Variants in CPE observed in about 807,000 individuals in gnomAD.
CPE encodes the protein carbocypeptidase E.
In CPE, 17 loss-of-function variants were observed where a neutral mutation model predicts 53.5. The ratio of observed to expected loss-of-function variants is 0.32; its 90% CI spans 0.22 to 0.48. The LOEUF is 0.48. Ranked by LOEUF, CPE falls within the 20% of genes least tolerant of loss-of-function variation. The pLI is 0.99. For missense variants in CPE, 524 were observed against 614.7 expected (o/e 0.85, Z 1.56); for synonymous variants, 226 against 228.8 (o/e 0.99, Z 0.11).
chr4:165,476,296 T>TG lies in CPE; in HGVS notation c.673-5940dup, dbSNP rs376391485. Among the ~76,000 whole-genome samples the TG allele has an allele frequency of 3.6e-3, 548 of 152,250 alleles. 8 individuals are homozygous for TG. The highest frequency in any genetic ancestry group is 0.012 in the African/African-American group (507 of 41,546). ...TTATAGGTTGGTATGCTTATGCTTC[T>TG]GGGGGGTTGTGTCCCTTTTCCCCTG... On this transcript the variant is annotated intron_variant, in intron 3 of 8. Coordinates refer to ENST00000402744, the MANE Select transcript of CPE (RefSeq NM_001873.4).
chr4:165,482,090 GA>G, intron 3 of CPE, 151 bp from the exon 4 acceptor site: 1 of 418,046 alleles, frequency 2.4e-6, no homozygotes, highest in Non-Finnish European at 4.2e-6. Context: ...GCTTTTGTAG[GA>G]ACCTTTATTT....
At chr4:165,412,865 A>C (rs1350418059) in intron 1 of CPE, among the ~76,000 whole-genome samples, 1 of 152,176 alleles carries the variant, frequency 6.6e-6, no homozygotes, top group Non-Finnish European at 1.5e-5. Context: ...GCAGCCATGT[A>C]TTCCATTTCT....
intron 1 of CPE, among the ~76,000 whole-genome samples, chr4:165,459,129 CT>C: frequency 1.3e-5 from 2 of 152,280 alleles, no homozygotes; most frequent in Non-Finnish European, 2.9e-5. Flanking sequence ...AGACTTCTTT[CT>C]TTAAAGCTGC....
chr4:165,399,899 A>G (rs1391012777), intron 1 of CPE, among the ~76,000 whole-genome samples: 1 of 152,132 alleles, frequency 6.6e-6, no homozygotes, highest in Admixed American at 6.5e-5. Context: ...AGAAGCAATC[A>G]TCAGTGTTAT....
intron 1 of CPE, chr4:165,406,241 C>A: frequency 3.1e-6 from 2 of 655,324 alleles, no homozygotes; most frequent in South Asian, 2.9e-5. Flanking sequence ...GGGTTCTGGT[C>A]AGCAAAGCAA....
intron 1 of CPE, among the ~76,000 whole-genome samples, chr4:165,407,810 C>T (rs1412530982): frequency 6.6e-6 from 1 of 151,854 alleles, no homozygotes; most frequent in Non-Finnish European, 1.5e-5. Context: ...CCTGCCTCGG[C>T]CTCCCAAAAT....
chr4:165,494,535 GTTAA>G (rs1276904998), intron 7 of CPE, among the ~76,000 whole-genome samples: 3 of 152,192 alleles, frequency 2.0e-5, no homozygotes, highest in Non-Finnish European at 2.9e-5. Flanking sequence ...GTGAAAAAGC[GTTAA>G]TTAAGATGAA....
chr4:165,469,004 G>C (rs1732154391), intron 3 of CPE, among the ~76,000 whole-genome samples: 2 of 152,182 alleles, frequency 1.3e-5, no homozygotes, highest in Admixed American at 6.5e-5. Context: ...CTGTAATATG[G>C]AAGTGATAAT....
At chr4:165,440,216 T>C (rs554729956) in intron 1 of CPE, among the ~76,000 whole-genome samples, 21 of 152,308 alleles carry the variant, frequency 1.4e-4, no homozygotes, top group Admixed American at 7.2e-4. Flanking sequence ...CTAATGTTCT[T>C]CTGCCAGGGA....
chr4:165,399,595 C>G (rs1730834023), intron 1 of CPE, among the ~76,000 whole-genome samples: 1 of 152,096 alleles, frequency 6.6e-6, no homozygotes, highest in African/African-American at 2.4e-5. Context: ...TGGTTTTGAA[C>G]TCTTGACCTC....
Position 165,495,676 on chromosome 4 carries a change from G to T in CPE, c.1331G>T (p.Gly444Val). ...KVAVPYSPAA[G>V]VDFELESFSE... is the part of the protein sequence containing the mutation. ...GCAGTTCCTTACAGCCCTGCTGCTG[G>T]GGTAAGTAATCATAATAATAGCCAA... Residue 444 changes from glycine to valine, a missense_variant and splice_region_variant, in exon 8 of 9, where the codon GGG becomes GTG. Coordinates refer to ENST00000402744, the MANE Select transcript of CPE (RefSeq NM_001873.4). 2.5e-6 allele frequency: 4 copies of T among 1,595,086 alleles called. No individual in the cohort carries two copies. The highest frequency in any genetic ancestry group is 3.4e-6 in the Non-Finnish European group (4 of 1,166,750).
chr4:165,433,411 T>A (rs1185585289), intron 1 of CPE, among the ~76,000 whole-genome samples: 1 of 152,190 alleles, frequency 6.6e-6, no homozygotes, highest in African/African-American at 2.4e-5. Context: ...GGCAGGAACT[T>A]AGTCCAAAAT....
intron 4 of CPE, 42 bp downstream of exon 4, chr4:165,482,401 A>G: frequency 7.4e-7 from 1 of 1,346,966 alleles, no homozygotes; most frequent in East Asian, 2.3e-5. Context: ...CAAAGTTTAT[A>G]ACACTGTACA....
At position 165,490,754 on chromosome 4, in the gene CPE, G is replaced by A. The variant is rs550650572; in HGVS notation, c.1114-2417G>A. 2.3e-4 allele frequency among the ~76,000 whole-genome samples: 35 copies of A among 151,896 alleles called. No homozygotes were observed. In the South Asian group the frequency reaches 3.5e-3, roughly 15 times the overall value. ...ATCACACTCTCTGCAGGGCAGGACC[G>A]AAGTATCTTCATTTGCAGCAAGCTA... On this transcript the variant is annotated intron_variant, in intron 6 of 8. Coordinates refer to ENST00000402744, the MANE Select transcript of CPE (RefSeq NM_001873.4).
chr4:165,465,912 A>G (rs969141657), intron 2 of CPE, among the ~76,000 whole-genome samples: 35 of 152,346 alleles, frequency 2.3e-4, no homozygotes, highest in African/African-American at 8.4e-4. Flanking sequence ...ATAGAATGAT[A>G]TGCTTTGAAA....
Position 165,379,314 on chromosome 4 carries a change from G to A in CPE, c.93G>A (p.Gly31=). Residue 31 remains glycine (G), a synonymous_variant, in exon 1 of 9, where the codon GGG becomes GGA. Coordinates refer to ENST00000402744, the MANE Select transcript of CPE (RefSeq NM_001873.4). The surrounding 1 kb of genome is among the most constrained non-coding windows in gnomAD (Gnocchi z 6.0). The part of the protein sequence containing the change: ...WLLGAEAQEP[G]APAAGMRRRR... ...TGGGCGCCGAAGCCCAGGAGCCCGG[G>A]GCGCCCGCGGCGGGCATGAGGCGGC... 1.9e-6 allele frequency: 3 copies of A among 1,555,714 alleles called. No homozygotes were observed. The highest frequency in any genetic ancestry group is 2.3e-4 in the Middle Eastern group (1 of 4,428).
At chr4:165,415,546 A>G (rs1731105593) in intron 1 of CPE, among the ~76,000 whole-genome samples, 1 of 152,164 alleles carries the variant, frequency 6.6e-6, no homozygotes, top group Non-Finnish European at 1.5e-5. Flanking sequence ...GTAAACATTT[A>G]TTATATATTC....
chr4:165,468,242 C>G (rs1015495743), intron 3 of CPE, among the ~76,000 whole-genome samples: 6 of 152,192 alleles, frequency 3.9e-5, no homozygotes, highest in African/African-American at 1.4e-4. Flanking sequence ...CCTACCTCTT[C>G]TACTGTCTTT....
chr4:165,422,834 G>A (rs1221247959), intron 1 of CPE, among the ~76,000 whole-genome samples: 4 of 151,840 alleles, frequency 2.6e-5, no homozygotes, highest in South Asian at 2.1e-4. Flanking sequence ...AAAATTAGCC[G>A]GGTGTGGTGG....
Sources: gnomAD v4.1 joint callset for allele counts (sites outside exome capture counted in the v4.1 genomes callset) on GRCh38, gnomAD v4.1.1 for gene constraint, Gnocchi (gnomAD v3.1) non-coding constraint, MANE v1.5 for transcripts, NCBI Gene and HGNC (gene_info 2026-07-23, HGNC 2026-07-21) for gene names.